GRIN2A: variants seen among roughly 807,000 people sequenced by gnomAD.
GRIN2A encodes glutamate ionotropic receptor NMDA type subunit 2A.
Under a neutral mutation model 113.4 loss-of-function variants are expected in GRIN2A, and 22 were observed. The ratio of observed to expected loss-of-function variants is 0.19; its 90% CI spans 0.14 to 0.28. The LOEUF (loss-of-function observed/expected upper bound fraction) is 0.28. GRIN2A is among the 10% of genes least tolerant of loss of function. GRIN2A has a pLI of 1.00. For missense variants in GRIN2A, 1,502 were observed against 1,887.0 expected, an observed-to-expected ratio of 0.80 and a Z score of 3.78; for synonymous variants, 827 against 738.4, an observed-to-expected ratio of 1.12 and a Z score of -1.94.
At chr16:10,066,133 C>T (rs1424863631) in intron 2 of GRIN2A, among the ~76,000 whole-genome samples, 2 of 152,190 alleles carry the variant, frequency 1.3e-5, no homozygotes, top group Admixed American at 6.5e-5. Flanking sequence ...GCAGACGATG[C>T]TCTTCATCAC....
At chr16:9,919,142 C>T (rs2044311806) in intron 3 of GRIN2A, among the ~76,000 whole-genome samples, 1 of 152,154 alleles carries the variant, frequency 6.6e-6, no homozygotes. Context: ...CCCTGCACTC[C>T]AGCCTGAGTG....
chr16:9,904,666 C>T (rs1057421125), intron 3 of GRIN2A, among the ~76,000 whole-genome samples: 19 of 152,276 alleles, frequency 1.2e-4, no homozygotes, highest in Admixed American at 9.8e-4. Context: ...AGCCACCGTG[C>T]CTGGCTCTTC....
intron 4 of GRIN2A, among the ~76,000 whole-genome samples, chr16:9,890,759 C>T (rs1372162441): frequency 1.3e-5 from 2 of 152,180 alleles, no homozygotes; most frequent in African/African-American, 2.4e-5. Flanking sequence ...GATTTGAGAA[C>T]AGACATACAG....
chr16:9,795,043 G>A (rs1456135063), intron 11 of GRIN2A, among the ~76,000 whole-genome samples: 5 of 152,004 alleles, frequency 3.3e-5, no homozygotes, highest in African/African-American at 9.7e-5. Context: ...GGTGATGGTG[G>A]TGGTGATGAT....
chr16:9,861,426 A>G (rs2043065624), intron 4 of GRIN2A, among the ~76,000 whole-genome samples: 1 of 152,326 alleles, frequency 6.6e-6, no homozygotes, highest in South Asian at 2.1e-4. Context: ...ATGGATTAGC[A>G]TCACTTCCAT....
At chr16:10,110,551 A>C (rs2048593199) in intron 2 of GRIN2A, among the ~76,000 whole-genome samples, 1 of 152,250 alleles carries the variant, frequency 6.6e-6, no homozygotes, top group South Asian at 2.1e-4. Flanking sequence ...GGCGCCAGCC[A>C]GGACTGGGGG....
chr16:10,083,530 T>C (rs558253393), intron 2 of GRIN2A, among the ~76,000 whole-genome samples: 5 of 152,310 alleles, frequency 3.3e-5, no homozygotes, highest in African/African-American at 1.2e-4. Context: ...CCACGTGCTT[T>C]CACCCTGACC....
rs761168789 is a variant in GRIN2A, at chr16:9,891,000, G to A, written c.1108C>T (p.Arg370Trp). The A allele has an allele frequency of 2.5e-6, 4 of 1,606,704 alleles. No individual in the cohort carries two copies. Among genetic ancestry groups the A allele is most frequent in the Non-Finnish European group, 3.4e-6 (4 of 1,173,344 alleles). Residue 370 changes from arginine (R) to tryptophan (W), a missense_variant, in exon 4 of 13, where the codon CGG (arginine) becomes TGG (tryptophan). Arg to Trp is a moderately radical substitution (Grantham distance 101). This residue lies in a region of GRIN2A where 334 missense variants were observed against 403.0 expected (regional missense o/e 0.83). Coordinates refer to ENST00000330684, the MANE Select transcript of GRIN2A (RefSeq NM_001134407.3). ...AGGATGCTCACCTTTTCCCATTCCC[G>A]GTCTTTGTTCAGCACAATCACCACC... ...RLVVIVLNKD[R>W]EWEKVGKWEN...
chr16:9,898,065 T>C (rs2043842033), intron 3 of GRIN2A, among the ~76,000 whole-genome samples: 1 of 140,640 alleles, frequency 7.1e-6, no homozygotes, highest in Non-Finnish European at 1.5e-5. Flanking sequence ...TTTTTTTTTT[T>C]TTTTTTTTTT....
Position 9,764,317 on chromosome 16 carries a change from T to C in GRIN2A, c.3227A>G (p.Asn1076Ser). The change falls in exon 13 of 13, where the codon AAC becomes AGC. Residue 1076 changes from asparagine (N) to serine (S), a missense_variant. Physicochemically the swap from Asn to Ser is conservative, Grantham distance 46. Around this residue, in one of 7 missense-constraint regions of GRIN2A, gnomAD observed 832 missense variants for 789.7 expected, o/e 1.05. Coordinates refer to ENST00000330684, the MANE Select transcript of GRIN2A (RefSeq NM_001134407.3). ...GTCCTTGGTTTTGTGGTTCTTACTG[T>C]TGTCAGGTTCCCTGTGGCACGTGGC... ...NRATCHREPD[N>S]SKNHKTKDNF... 3 of 1,614,134 alleles carry C rather than the reference T, an allele frequency of 1.9e-6. No homozygotes were observed. Among genetic ancestry groups the C allele is most frequent in the Non-Finnish European group, 2.5e-6 (3 of 1,179,996 alleles).
chr16:10,104,860 C>A (rs908422194), intron 2 of GRIN2A, among the ~76,000 whole-genome samples: 3 of 152,064 alleles, frequency 2.0e-5, no homozygotes, highest in Non-Finnish European at 4.4e-5. Flanking sequence ...CTTGTGAGCG[C>A]AGAGTGTAGG....
intron 2 of GRIN2A, among the ~76,000 whole-genome samples, chr16:9,982,465 G>A (rs1455636329): frequency 6.6e-6 from 1 of 152,200 alleles, no homozygotes; most frequent in African/African-American, 2.4e-5. Context: ...ACGCCAAAAA[G>A]AGAAATCTTC....
intron 2 of GRIN2A, among the ~76,000 whole-genome samples, chr16:10,067,561 T>C (rs2047672773): frequency 6.6e-6 from 1 of 152,118 alleles, no homozygotes; most frequent in South Asian, 2.1e-4. Flanking sequence ...GCCATCTGTG[T>C]GTTGCATGCC....
intron 2 of GRIN2A, among the ~76,000 whole-genome samples, chr16:10,115,600 G>A (rs998106992): frequency 2.6e-5 from 4 of 152,204 alleles, no homozygotes; most frequent in Non-Finnish European, 4.4e-5. Flanking sequence ...TTGTGCCCAA[G>A]GCAACAGCAC....
At chr16:9,904,179 A>G (rs1395354027) in intron 3 of GRIN2A, among the ~76,000 whole-genome samples, 3 of 152,288 alleles carry the variant, frequency 2.0e-5, no homozygotes, top group South Asian at 2.1e-4. Flanking sequence ...AAACTATCAC[A>G]GTGTGGGTGG....
In GRIN2A at chr16:10,180,656, C is replaced by A. The variant is rs1488182684; in HGVS notation, c.-18-227G>T. The A allele has an allele frequency of 2.9e-6, 2 of 693,834 alleles. No homozygotes were observed. The highest frequency in any genetic ancestry group is 3.6e-5 in the African/African-American group (2 of 55,596). The allele number at this position is 693,834 out of a possible 1,614,324, so 43.0% of individuals were successfully genotyped here. A position where few individuals can be genotyped will look rare whatever the true frequency, so the allele number is the denominator to read the frequency against. ...CGAGCTAATTCTCCATCCCCCAGCC[C>A]CTTCTCGCATCCAGCTTCCTCATCC... On this transcript the variant is annotated intron_variant, in intron 1 of 12. Transcript: ENST00000330684. This position sits in a 1 kb window ranked among gnomAD's most constrained non-coding sequence, Gnocchi z 7.0.
intron 3 of GRIN2A, among the ~76,000 whole-genome samples, chr16:9,921,053 T>C (rs551868769): frequency 1.3e-5 from 2 of 152,106 alleles, no homozygotes; most frequent in African/African-American, 4.8e-5. Context: ...TTAGAGGGAG[T>C]TGATGGTTCT....
At position 10,180,012 on chromosome 16, in the gene GRIN2A, T is replaced by C. The variant is rs540018457; in HGVS notation, c.400A>G (p.Ile134Val). Residue 134 changes from isoleucine to valine, a missense_variant, in exon 2 of 13, where the codon ATC becomes GTC. Physicochemically the swap from Ile to Val is conservative, Grantham distance 29 (BLOSUM62 3). Coordinates refer to ENST00000330684, the MANE Select transcript of GRIN2A (RefSeq NM_001134407.3). The surrounding 1 kb of genome is among the most constrained non-coding windows in gnomAD (Gnocchi z 7.0). ...TCCGGCCTTACCTTGTCAGCCATGA[T>C]CATAGATGCGCCCCCATGAATGCCC... ...ILGIHGGASM[I>V]MADKDPTSTF... 6.2e-7 allele frequency: 1 copy of C among 1,614,004 alleles called. No individual in the cohort carries two copies. Among genetic ancestry groups the C allele is most frequent in the South Asian group, 1.1e-5 (1 of 91,078 alleles).
chr16:10,040,293 T>C (rs983153240), intron 2 of GRIN2A, among the ~76,000 whole-genome samples: 1 of 124,368 alleles, frequency 8.0e-6, no homozygotes, highest in African/African-American at 3.1e-5. Flanking sequence ...ATCCACGTCA[T>C]GCACATCCAA....
Sources: gnomAD v4.1 joint callset for allele counts (sites outside exome capture counted in the v4.1 genomes callset) on GRCh38, gnomAD v4.1.1 for gene constraint, gnomAD v4.1.1 regional missense constraint, Gnocchi (gnomAD v3.1) non-coding constraint, MANE v1.5 for transcripts, NCBI Gene and HGNC (gene_info 2026-07-23, HGNC 2026-07-21) for gene names.